Variants in LRRC4C observed in about 807,000 individuals in gnomAD.
LRRC4C encodes leucine rich repeat containing 4C.
Under a neutral mutation model 33.6 loss-of-function variants are expected in LRRC4C, and 5 were observed. That is an observed-to-expected ratio of 0.15 (90% CI 0.08 to 0.31). The LOEUF is 0.31. Ranked by LOEUF, LRRC4C falls within the 10% of genes least tolerant of loss-of-function variation. LRRC4C has a pLI of 1.00. For missense variants in LRRC4C, 560 were observed against 796.7 expected (o/e 0.70, Z 3.58); for synonymous variants, 329 against 302.0 (o/e 1.09, Z -0.93).
intron 1 of LRRC4C, among the ~76,000 whole-genome samples, chr11:41,302,564 T>C (rs1397029875): frequency 2.0e-5 from 3 of 152,092 alleles, no homozygotes; most frequent in Admixed American, 2.0e-4. Flanking sequence ...ATCGGTAACA[T>C]TTTCCGATAA....
At chr11:41,235,408 G>A (rs967528153) in intron 1 of LRRC4C, among the ~76,000 whole-genome samples, 2 of 152,074 alleles carry the variant, frequency 1.3e-5, no homozygotes, top group Non-Finnish European at 2.9e-5. Context: ...CCTGCATGAA[G>A]CAGTATTCTG....
chr11:40,767,708 G>A (rs1949541367), intron 2 of LRRC4C, among the ~76,000 whole-genome samples: 1 of 151,870 alleles, frequency 6.6e-6, no homozygotes, highest in Non-Finnish European at 1.5e-5. Context: ...TAAACCATAT[G>A]CTCCTAAATG....
chr11:41,332,110 G>A (rs1233788996), intron 1 of LRRC4C, among the ~76,000 whole-genome samples: 9 of 152,146 alleles, frequency 5.9e-5, no homozygotes, highest in Non-Finnish European at 4.4e-5. Flanking sequence ...ACTTAGAACA[G>A]TACCTTTCAC....
intron 1 of LRRC4C, among the ~76,000 whole-genome samples, chr11:41,203,514 A>G (rs1438900712): frequency 6.6e-6 from 1 of 152,210 alleles, no homozygotes; most frequent in Non-Finnish European, 1.5e-5. Context: ...TTATTTTGAT[A>G]CATGCAAGAG....
chr11:41,145,165 T>C lies in LRRC4C; in HGVS notation c.-495-211442A>G, dbSNP rs146230607. On this transcript the variant is annotated intron_variant, in intron 1 of 6. Transcript: ENST00000528697. The stretch of plus-strand genomic sequence containing the variant: ...AGTTCTATTATAGCTTTTTCTATTA[T>C]AGCTTTTGCTAGATGGTTCTCTAGA... Among the ~76,000 whole-genome samples the C allele has an allele frequency of 6.2e-3, 938 of 152,314 alleles. 15 individuals are homozygous for C. The highest frequency in any genetic ancestry group is 0.021 in the African/African-American group (890 of 41,574).
At chr11:40,132,008 C>T (rs532271399) in intron 6 of LRRC4C, among the ~76,000 whole-genome samples, 6 of 151,976 alleles carry the variant, frequency 3.9e-5, no homozygotes, top group Non-Finnish European at 8.8e-5. Context: ...TGAAAGTATA[C>T]GCCAATTTTT....
chr11:40,675,816 T>C (rs1944370958), intron 2 of LRRC4C, among the ~76,000 whole-genome samples: 1 of 152,224 alleles, frequency 6.6e-6, no homozygotes, highest in Non-Finnish European at 1.5e-5. Context: ...GTTAAAGTTT[T>C]TTTGGAACAG....
At chr11:40,448,208 G>T (rs564606165) in intron 3 of LRRC4C, among the ~76,000 whole-genome samples, 1 of 152,140 alleles carries the variant, frequency 6.6e-6, no homozygotes, top group Admixed American at 6.5e-5. Flanking sequence ...AGACATTTAA[G>T]TTAAAATTCA....
intron 2 of LRRC4C, among the ~76,000 whole-genome samples, chr11:40,826,874 A>C (rs1442073552): frequency 6.6e-6 from 1 of 152,022 alleles, no homozygotes; most frequent in Non-Finnish European, 1.5e-5. Context: ...GGATTTAAAT[A>C]CATACTTTGA....
chr11:40,230,299 A>C (rs2136000122), intron 5 of LRRC4C, among the ~76,000 whole-genome samples: 1 of 152,380 alleles, frequency 6.6e-6, no homozygotes, highest in Admixed American at 6.5e-5. Flanking sequence ...TATCCAAGTC[A>C]CTGACTTAAT....
intron 2 of LRRC4C, among the ~76,000 whole-genome samples, chr11:40,850,504 T>C (rs1291271799): frequency 1.3e-5 from 2 of 152,306 alleles, no homozygotes; most frequent in South Asian, 4.1e-4. Context: ...CTCCTTTCTC[T>C]GGAAGCTTCC....
intron 3 of LRRC4C, among the ~76,000 whole-genome samples, chr11:40,500,916 C>A (rs1354602547): frequency 6.6e-6 from 1 of 152,126 alleles, no homozygotes; most frequent in African/African-American, 2.4e-5. Flanking sequence ...TAACTCCCTT[C>A]CACCTATGAG....
At chr11:40,973,065 T>C (rs939513640) in intron 1 of LRRC4C, among the ~76,000 whole-genome samples, 5 of 152,128 alleles carry the variant, frequency 3.3e-5, no homozygotes, top group African/African-American at 1.2e-4. Context: ...ATTCCTGCTT[T>C]CCTTTCACCT....
chr11:40,338,609 C>G (rs1303580628), intron 3 of LRRC4C, among the ~76,000 whole-genome samples: 1 of 152,174 alleles, frequency 6.6e-6, no homozygotes, highest in Non-Finnish European at 1.5e-5. Flanking sequence ...ATCTTGTACA[C>G]TCACACTAAT....
chr11:40,836,739 C>A (rs1240341274), intron 2 of LRRC4C, among the ~76,000 whole-genome samples: 1 of 152,170 alleles, frequency 6.6e-6, no homozygotes. Context: ...TCTCTCTGAG[C>A]TTTACCTCCC....
At chr11:40,969,804 C>T (rs1851599918) in intron 1 of LRRC4C, among the ~76,000 whole-genome samples, 1 of 152,128 alleles carries the variant, frequency 6.6e-6, no homozygotes, top group African/African-American at 2.4e-5. Flanking sequence ...GCAATATTTG[C>T]TTTATTTGCA....
chr11:40,802,531 G>T (rs904207179), intron 2 of LRRC4C, among the ~76,000 whole-genome samples: 1 of 151,974 alleles, frequency 6.6e-6, no homozygotes, highest in African/African-American at 2.4e-5. Context: ...TAAGGAAGAG[G>T]AGGATAAGGA....
chr11:41,138,167 T>C (rs2035627), intron 1 of LRRC4C, among the ~76,000 whole-genome samples: 110,225 of 152,218 alleles, frequency 0.72, 40,641 homozygotes, highest in Middle Eastern at 0.82. Flanking sequence ...CAGATCCATA[T>C]GCTAGACACT....
intron 1 of LRRC4C, among the ~76,000 whole-genome samples, chr11:41,013,582 A>G (rs186514700): frequency 9.2e-5 from 14 of 152,310 alleles, no homozygotes; most frequent in Admixed American, 3.9e-4. Flanking sequence ...TTGGGGTGCT[A>G]TAATAACCAT....
Sources: allele counts gnomAD v4.1 joint callset (sites outside exome capture counted in the v4.1 genomes callset), GRCh38; gene constraint gnomAD v4.1.1; transcripts MANE v1.5; gene names NCBI Gene and HGNC (gene_info 2026-07-23, HGNC 2026-07-21).